Variants in SPESP1 observed in about 807,000 individuals in gnomAD.
SPESP1 encodes sperm equatorial segment protein 1, also known as equatorial segment protein.
SPESP1 carries 1 observed loss-of-function variant against 3.1 expected under a neutral mutation model. The ratio of observed to expected loss-of-function variants is 0.33; its 90% CI spans 0.12 to 1.54. The LOEUF is 1.54. Among genes scored for constraint, SPESP1 ranks in the 40% most tolerant of loss-of-function variants. SPESP1 has a pLI of 0.38. For missense variants in SPESP1, 398 were observed against 410.1 expected, an observed-to-expected ratio of 0.97 and a Z score of 0.26; for synonymous variants, 138 against 150.7, an observed-to-expected ratio of 0.92 and a Z score of 0.62.
chr15:68,930,726 C>A lies in SPESP1; in HGVS notation c.64+9C>A. The A allele has an allele frequency of 7.4e-6, 12 of 1,613,808 alleles. No individual in the cohort carries two copies. The highest frequency in any genetic ancestry group is 1.0e-5 in the Non-Finnish European group (12 of 1,179,748). ...TGTGCCGGCTTATCCGAGTGAGTGA[C>A]GGGCCTGAGGAGGCAGCGGACCGGG... On this transcript the variant is annotated intron_variant, in intron 1 of 1. Coordinates refer to ENST00000310673, the MANE Select transcript of SPESP1 (RefSeq NM_145658.4).
At position 68,945,732 on chromosome 15, in the gene SPESP1, TATA is replaced by T. The variant is rs762860936; in HGVS notation, c.199_201del (p.Ile67del). ...CTAACTCTCCAAAACATGTTTATTC[TATA>T]GCATCAAAGGGATCAAAATTTAAGG... On this transcript the variant is annotated inframe_deletion, in exon 2 of 2. Transcript: ENST00000310673. The T allele has an allele frequency of 6.2e-7, 1 of 1,614,112 alleles. No homozygotes were observed. Among genetic ancestry groups the T allele is most frequent in the Admixed American group, 1.7e-5 (1 of 60,006 alleles).
intron 1 of SPESP1, among the ~76,000 whole-genome samples, chr15:68,932,943 C>T (rs1895587752): frequency 6.6e-6 from 1 of 152,196 alleles, no homozygotes; most frequent in South Asian, 2.1e-4. Context: ...GCTGCTTTCT[C>T]TGTATCTGTC....
chr15:68,946,550 G>A lies in SPESP1; in HGVS notation c.1016G>A (p.Arg339Lys). 2 of 1,559,148 alleles carry A rather than the reference G, an allele frequency of 1.3e-6. No individual in the cohort carries two copies. Among genetic ancestry groups the A allele is most frequent in the Non-Finnish European group, 1.7e-6 (2 of 1,160,648 alleles). Reference protein sequence around the residue: ...TVFNTLKNMCRSRRVTALLKV... With the variant: ...TVFNTLKNMCKSRRVTALLKV... Reference sequence around the variant, plus strand: ...TTCAATACATTAAAAAATATGTGTAGATCAAGGAGAGTCACAGCCTTATTA... The same window carrying A: ...TTCAATACATTAAAAAATATGTGTAAATCAAGGAGAGTCACAGCCTTATTA... The change falls in exon 2 of 2, where the codon AGA (arginine) becomes AAA (lysine). Residue 339 changes from arginine to lysine, a missense_variant. Physicochemically the swap from Arg to Lys is conservative, Grantham distance 26 (BLOSUM62 2). Transcript: ENST00000310673.
chr15:68,935,317 A>G (rs78215457), intron 1 of SPESP1, among the ~76,000 whole-genome samples: 145 of 152,266 alleles, frequency 9.5e-4, no homozygotes, highest in African/African-American at 3.3e-3. Context: ...TCATGATTCT[A>G]TGGGTTCACT....
chr15:68,935,335 G>C (rs1895655968), intron 1 of SPESP1, among the ~76,000 whole-genome samples: 1 of 152,164 alleles, frequency 6.6e-6, no homozygotes, highest in South Asian at 2.1e-4. Flanking sequence ...ACTAGACTCA[G>C]CTGGGCAGCT....
At chr15:68,939,905 G>C (rs904763167) in intron 1 of SPESP1, 2 of 152,164 alleles carry the variant, frequency 1.3e-5, no homozygotes, top group African/African-American at 4.8e-5. Flanking sequence ...TGAAAAGCAA[G>C]TGTTTAGCAG....
rs760997865 is a variant in SPESP1, at chr15:68,946,326, C to T, written c.792C>T (p.Ser264=). The T allele has an allele frequency of 1.9e-6, 3 of 1,614,126 alleles. No individual in the cohort carries two copies. Among genetic ancestry groups the T allele is most frequent in the Non-Finnish European group, 8.5e-7 (1 of 1,180,040 alleles). ...CCTCTAAAGATCACCTAAAACGAAG[C>T]CTTGCTCTAGCAGCAGCAGCAGAAC... ...IEASKDHLKR[S]LALAAAAEHK... Residue 264 remains serine, a synonymous_variant, in exon 2 of 2, where the codon AGC becomes AGT. Coordinates refer to ENST00000310673, the MANE Select transcript of SPESP1 (RefSeq NM_145658.4).
intron 1 of SPESP1, among the ~76,000 whole-genome samples, chr15:68,935,282 G>A (rs539271709): frequency 2.0e-5 from 3 of 152,244 alleles, no homozygotes; most frequent in African/African-American, 7.2e-5. Flanking sequence ...TGGCAAAAAT[G>A]ACTGCTCCCC....
Position 68,930,743 on chromosome 15 carries a change from C to T in SPESP1, c.64+26C>T, listed in dbSNP as rs748616375. 8 of 1,613,090 alleles carry T rather than the reference C, an allele frequency of 5.0e-6. No homozygotes were observed. In the African/African-American group the frequency reaches 1.1e-4, roughly 22 times the overall value. On this transcript the variant is annotated intron_variant, in intron 1 of 1. Transcript: ENST00000310673. ...GTGAGTGACGGGCCTGAGGAGGCAG[C>T]GGACCGGGGACACCCTGGGGGAACT...
At chr15:68,933,237 C>T (rs923864636) in intron 1 of SPESP1, among the ~76,000 whole-genome samples, 2 of 152,104 alleles carry the variant, frequency 1.3e-5, no homozygotes, top group Non-Finnish European at 2.9e-5. Context: ...CTTGTATCTG[C>T]CTATACCTTT....
Position 68,946,312 on chromosome 15 carries a change from C to T in SPESP1, c.778C>T (p.His260Tyr), listed in dbSNP as rs1184191939. 6.2e-7 allele frequency: 1 copy of T among 1,614,142 alleles called. No individual in the cohort carries two copies. The highest frequency in any genetic ancestry group is 1.1e-5 in the South Asian group (1 of 91,082). ...YREDIEASKD[H>Y]LKRSLALAAA... ...AGAAGATATTGAAGCCTCTAAAGATCACCTAAAACGAAGCCTTGCTCTAGC... is the reference window on the plus strand; with the variant it reads ...AGAAGATATTGAAGCCTCTAAAGATTACCTAAAACGAAGCCTTGCTCTAGC... Residue 260 changes from histidine to tyrosine, a missense_variant, in exon 2 of 2, where the codon CAC becomes TAC. By Grantham distance (83) the His-to-Tyr change is moderately conservative. Coordinates refer to ENST00000310673, the MANE Select transcript of SPESP1 (RefSeq NM_145658.4).
In SPESP1 at chr15:68,946,734, C is replaced by A; in HGVS notation, c.*147C>A. On this transcript the variant is annotated 3_prime_UTR_variant, in exon 2 of 2. Coordinates refer to ENST00000310673, the MANE Select transcript of SPESP1 (RefSeq NM_145658.4). ...TTCTATTGTAGTTCAAATGTGCCAA[C>A]ATCTTTATGTGTCATGTGTTATGAA... 9.7e-7 allele frequency: 1 copy of A among 1,027,344 alleles called. No individual in the cohort carries two copies. Among genetic ancestry groups the A allele is most frequent in the Non-Finnish European group, 1.3e-6 (1 of 785,112 alleles). 63.6% of individuals were successfully genotyped at this position (1,027,344 alleles called of 1,614,324 possible). A position where few individuals can be genotyped will look rare whatever the true frequency, so the allele number is the denominator to read the frequency against.
In SPESP1 at chr15:68,945,678, C is replaced by T; in HGVS notation, c.144C>T (p.Pro48=). The T allele has an allele frequency of 1.2e-6, 2 of 1,613,824 alleles. No homozygotes were observed. Among genetic ancestry groups the T allele is most frequent in the Non-Finnish European group, 1.7e-6 (2 of 1,179,938 alleles). ...QVLENLVRSV[P]SGEPGREKKS... Reference sequence around the variant, plus strand: ...TAGAGAACCTAGTACGAAGTGTTCCCTCTGGGGAGCCAGGTCGTGAGAAAA... The same window carrying T: ...TAGAGAACCTAGTACGAAGTGTTCCTTCTGGGGAGCCAGGTCGTGAGAAAA... The change falls in exon 2 of 2, where the codon CCC becomes CCT. Residue 48 remains proline (P), a synonymous_variant. Coordinates refer to ENST00000310673, the MANE Select transcript of SPESP1 (RefSeq NM_145658.4).
chr15:68,942,175 T>C (rs1480872454), intron 1 of SPESP1, among the ~76,000 whole-genome samples: 1 of 151,998 alleles, frequency 6.6e-6, no homozygotes, highest in Non-Finnish European at 1.5e-5. Flanking sequence ...ATTTCTTTTT[T>C]TTTTTTGAGA....
intron 1 of SPESP1, among the ~76,000 whole-genome samples, chr15:68,944,543 G>A (rs1895910827): frequency 6.6e-6 from 1 of 152,088 alleles, no homozygotes; most frequent in Non-Finnish European, 1.5e-5. Flanking sequence ...CCGGGGGCAG[G>A]TGAGGAGAAG....
In SPESP1 at chr15:68,930,538, C is replaced by T. The variant is rs1895500187; in HGVS notation, c.-116C>T. 6 of 1,430,742 alleles carry T rather than the reference C, an allele frequency of 4.2e-6. No individual in the cohort carries two copies. Among genetic ancestry groups the T allele is most frequent in the Middle Eastern group, 1.8e-4 (1 of 5,576 alleles). 88.6% of individuals were successfully genotyped at this position (1,430,742 alleles called of 1,614,324 possible). A position where few individuals can be genotyped will look rare whatever the true frequency, so the allele number is the denominator to read the frequency against. ...CTGGGGACAACCGTTGCTGGGTGTCCCAGGGCCTGAGGCAGGACGGTACTC... is the reference window on the plus strand; with the variant it reads ...CTGGGGACAACCGTTGCTGGGTGTCTCAGGGCCTGAGGCAGGACGGTACTC... On this transcript the variant is annotated 5_prime_UTR_variant, in exon 1 of 2. Coordinates refer to ENST00000310673, the MANE Select transcript of SPESP1 (RefSeq NM_145658.4).
At chr15:68,934,766 C>CT (rs565103428) in intron 1 of SPESP1, among the ~76,000 whole-genome samples, 53 of 148,068 alleles carry the variant, frequency 3.6e-4, no homozygotes, top group South Asian at 2.8e-3. Context: ...AAAATATTTT[C>CT]TTTTTTTTTT....
intron 1 of SPESP1, among the ~76,000 whole-genome samples, chr15:68,936,268 C>G (rs1050817010): frequency 6.6e-6 from 1 of 152,070 alleles, no homozygotes; most frequent in African/African-American, 2.4e-5. Context: ...AATGAGCATC[C>G]ATAATTGGTG....
At chr15:68,930,758 C>T in intron 1 of SPESP1, 41 bp downstream of exon 1, 2 of 1,613,026 alleles carry the variant, frequency 1.2e-6, no homozygotes, top group Non-Finnish European at 1.7e-6. Flanking sequence ...CGGGGACACC[C>T]TGGGGGAACT....
Sources: gnomAD v4.1 joint callset for allele counts (sites outside exome capture counted in the v4.1 genomes callset) on GRCh38, gnomAD v4.1.1 for gene constraint, MANE v1.5 for transcripts, NCBI Gene and HGNC (gene_info 2026-07-23, HGNC 2026-07-21) for gene names.